The following C1orf159 variants were observed in gnomAD, a reference collection of about 807,000 sequenced individuals.
C1orf159 encodes uncharacterized protein C1orf159.
In C1orf159, 19 loss-of-function variants were observed where a neutral mutation model predicts 25.6. The observed-to-expected ratio is 0.74, with a 90% confidence interval of 0.52 to 1.09. C1orf159 has a LOEUF of 1.09. Ranked by LOEUF, C1orf159 falls within the 50% of genes least tolerant of loss-of-function variation. The probability of loss-of-function intolerance (pLI) is 0.00; values close to 1 mark genes in which losing one functional copy is unlikely to be tolerated. For missense variants in C1orf159, 274 were observed against 290.6 expected (o/e 0.94, Z 0.42); for synonymous variants, 139 against 124.7 (o/e 1.12, Z -0.77).
chr1:1,104,779 A>G (rs1646148604), intron 1 of C1orf159, among the ~76,000 whole-genome samples: 1 of 151,690 alleles, frequency 6.6e-6, no homozygotes, highest in Non-Finnish European at 1.5e-5. Flanking sequence ...ACGCACCTGC[A>G]CTCCAGCCTG....
At chr1:1,091,402 G>C (rs879136417) in intron 3 of C1orf159, 70 bp downstream of exon 3, 3 of 1,385,604 alleles carry the variant, frequency 2.2e-6, no homozygotes, top group East Asian at 2.5e-5. Context: ...AGACCCTCTA[G>C]GGGAAGGGCC....
intron 1 of C1orf159, among the ~76,000 whole-genome samples, chr1:1,114,834 T>C (rs1415769690): frequency 6.7e-6 from 1 of 149,388 alleles, no homozygotes; most frequent in Non-Finnish European, 1.5e-5. Flanking sequence ...GGAAGACGCC[T>C]AAGAACGATA....
intron 1 of C1orf159, among the ~76,000 whole-genome samples, chr1:1,112,291 C>A (rs112559148): frequency 6.6e-6 from 1 of 152,222 alleles, no homozygotes; most frequent in Non-Finnish European, 1.5e-5. Context: ...GGCAAAATGG[C>A]GGCGTGTAAC....
At position 1,085,993 on chromosome 1, in the gene C1orf159, G is replaced by A. The variant is rs771343606; in HGVS notation, c.330C>T (p.Ala110=). ...RPHPGAPRVA[A]SLFLGTFFIS... is the part of the protein sequence containing the mutation. ...TGAAGAACGTGCCCAGGAAGAGGGAGGCGGCCACGCGCGGAGCCCCTGCAA... is the reference window on the plus strand; with the variant it reads ...TGAAGAACGTGCCCAGGAAGAGGGAAGCGGCCACGCGCGGAGCCCCTGCAA... The change falls in exon 7 of 10, where the codon GCC becomes GCT. Residue 110 remains alanine, a synonymous_variant. Coordinates refer to ENST00000421241, the MANE Select transcript of C1orf159 (RefSeq NM_017891.5). 1.2e-6 allele frequency: 2 copies of A among 1,613,094 alleles called. No homozygotes were observed. The highest frequency in any genetic ancestry group is 1.7e-5 in the Admixed American group (1 of 60,018).
chr1:1,085,777 C>A, intron 7 of C1orf159, 101 bp downstream of exon 7: 2 of 1,450,958 alleles, frequency 1.4e-6, no homozygotes, highest in Non-Finnish European at 1.9e-6. Context: ...CCTCTGCCAG[C>A]CTGCTCTGGC....
chr1:1,114,524 C>T (rs1280066353), intron 1 of C1orf159, among the ~76,000 whole-genome samples: 3 of 152,140 alleles, frequency 2.0e-5, no homozygotes, highest in Non-Finnish European at 4.4e-5. Flanking sequence ...CAGGGGTTCC[C>T]GGGATGCTGC....
At chr1:1,090,311 T>C in intron 4 of C1orf159, 42 bp downstream of exon 4, 1 of 1,541,558 alleles carries the variant, frequency 6.5e-7, no homozygotes, top group Non-Finnish European at 8.8e-7. Context: ...CACCAGTGGC[T>C]CAGGGGCCGG....
chr1:1,109,084 A>C (rs1174989671), intron 1 of C1orf159, among the ~76,000 whole-genome samples: 2 of 150,980 alleles, frequency 1.3e-5, no homozygotes, highest in African/African-American at 4.9e-5. Flanking sequence ...CACCACAGCC[A>C]CCATGTCTGC....
At chr1:1,104,759 C>A (rs1234366942) in intron 1 of C1orf159, among the ~76,000 whole-genome samples, 1 of 151,598 alleles carries the variant, frequency 6.6e-6, no homozygotes, top group African/African-American at 2.4e-5. Flanking sequence ...TCAAGCTGGT[C>A]GAGCCGGGAA....
chr1:1,105,379 A>G (rs1646156233), intron 1 of C1orf159, among the ~76,000 whole-genome samples: 1 of 152,090 alleles, frequency 6.6e-6, no homozygotes, highest in African/African-American at 2.4e-5. Context: ...GTGATGGCAC[A>G]TGCCTGTGAT....
intron 1 of C1orf159, among the ~76,000 whole-genome samples, chr1:1,113,933 T>C (rs1444754279): frequency 6.8e-6 from 1 of 147,242 alleles, no homozygotes; most frequent in Non-Finnish European, 1.5e-5. Flanking sequence ...TTTTTTTTTT[T>C]TGAGATGGAG....
chr1:1,103,131 C>A (rs927704806), intron 1 of C1orf159, among the ~76,000 whole-genome samples: 1 of 152,194 alleles, frequency 6.6e-6, no homozygotes, highest in Non-Finnish European at 1.5e-5. Context: ...GCGTGAGCCA[C>A]CACGCCCAGC....
At chr1:1,113,602 C>T (rs1646292442) in intron 1 of C1orf159, among the ~76,000 whole-genome samples, 1 of 152,130 alleles carries the variant, frequency 6.6e-6, no homozygotes, top group Non-Finnish European at 1.5e-5. Context: ...ATTTTTCCCT[C>T]CTCAGAAGAG....
chr1:1,105,158 T>C (rs1261015331), intron 1 of C1orf159, among the ~76,000 whole-genome samples: 1 of 152,252 alleles, frequency 6.6e-6, no homozygotes, highest in Non-Finnish European at 1.5e-5. Flanking sequence ...GGTTTTCAAC[T>C]GCAACACTCA....
Position 1,110,960 on chromosome 1 carries a change from G to A in C1orf159, c.-136+5100C>T, listed in dbSNP as rs760367338. Among the ~76,000 whole-genome samples the A allele has an allele frequency of 1.3e-4, 20 of 152,218 alleles. No homozygotes were observed. Among genetic ancestry groups the A allele is most frequent in the African/African-American group, 3.6e-4 (15 of 41,450 alleles). The stretch of plus-strand genomic sequence containing the variant: ...GCAGGCGGGCGCTGGAGCAGCCTGC[G>A]AGGCAATCTCCATGGATCACAGGCA... On this transcript the variant is annotated intron_variant, in intron 1 of 9. Transcript: ENST00000421241. This position sits in a 1 kb window ranked among gnomAD's most constrained non-coding sequence, Gnocchi z 4.8.
intron 1 of C1orf159, among the ~76,000 whole-genome samples, chr1:1,093,804 G>T (rs948361704): frequency 5.1e-4 from 77 of 152,184 alleles, no homozygotes; most frequent in Admixed American, 5.0e-3. Flanking sequence ...ATTTCTCTTG[G>T]GAGCAGAGTG....
intron 9 of C1orf159, 116 bp downstream of exon 9, chr1:1,084,237 C>A: frequency 2.6e-6 from 4 of 1,520,190 alleles, no homozygotes; most frequent in Non-Finnish European, 3.5e-6. Flanking sequence ...GGGACCCGGG[C>A]AGGGGTGGCC....
chr1:1,113,465 T>C (rs2100782098), intron 1 of C1orf159, among the ~76,000 whole-genome samples: 1 of 152,296 alleles, frequency 6.6e-6, no homozygotes, highest in South Asian at 2.1e-4. Flanking sequence ...CGATCTCGGC[T>C]CACTGCAGTC....
At chr1:1,114,452 C>T (rs116370315) in intron 1 of C1orf159, among the ~76,000 whole-genome samples, 28 of 152,304 alleles carry the variant, frequency 1.8e-4, no homozygotes, top group African/African-American at 6.5e-4. Context: ...AAATGAGCTA[C>T]CCAGTAAGTC....
Sources: allele counts gnomAD v4.1 joint callset (sites outside exome capture counted in the v4.1 genomes callset), GRCh38; gene constraint gnomAD v4.1.1; non-coding constraint Gnocchi (gnomAD v3.1); transcripts MANE v1.5; gene names NCBI Gene and HGNC (gene_info 2026-07-23, HGNC 2026-07-21).